UNC80: variants seen among roughly 807,000 people sequenced by gnomAD.
UNC80 encodes the protein protein unc-80 homolog.
Under a neutral mutation model 384.6 loss-of-function variants are expected in UNC80, and 164 were observed. The ratio of observed to expected loss-of-function variants is 0.43; its 90% confidence interval spans 0.38 to 0.49. UNC80 has a LOEUF of 0.49. UNC80 is among the 20% of genes least tolerant of loss of function. UNC80 has a pLI of 0.00. For missense variants in UNC80, 3,330 were observed against 4,143.0 expected, an observed-to-expected ratio of 0.80 and a Z score of 5.39; for synonymous variants, 1,486 against 1,527.8, an observed-to-expected ratio of 0.97 and a Z score of 0.64.
Position 209,904,761 on chromosome 2 carries a change from C to G in UNC80, c.4582-4C>G. The G allele has an allele frequency of 6.4e-7, 1 of 1,551,762 alleles. No individual in the cohort carries two copies. The highest frequency in any genetic ancestry group is 8.7e-7 in the Non-Finnish European group (1 of 1,146,942). ...GCTGAGTCTCAGGAATGTTTGTATT[C>G]CAGGTGATGATCTTGCTGTGCAATC... is the stretch of plus-strand genomic sequence containing the variant. On this transcript the variant is annotated splice_region_variant and splice_polypyrimidine_tract_variant and intron_variant, in intron 28 of 64. Transcript: ENST00000673920.
At chr2:209,808,509 C>G (rs1188524782) in intron 7 of UNC80, among the ~76,000 whole-genome samples, 3 of 147,016 alleles carry the variant, frequency 2.0e-5, no homozygotes, top group Non-Finnish European at 3.0e-5. Flanking sequence ...TTGTAGTGAG[C>G]CGATATCGCG....
intron 62 of UNC80, among the ~76,000 whole-genome samples, chr2:209,992,807 TA>T (rs949814916): frequency 6.6e-6 from 1 of 152,248 alleles, no homozygotes; most frequent in African/African-American, 2.4e-5. Flanking sequence ...CAAACTGAAG[TA>T]AAGATCATCT....
chr2:209,879,625 A>G (rs1161137108), intron 24 of UNC80, among the ~76,000 whole-genome samples: 1 of 152,196 alleles, frequency 6.6e-6, no homozygotes, highest in Non-Finnish European at 1.5e-5. Flanking sequence ...ATTATTTTTT[A>G]AAAAGTGTTG....
In UNC80 at chr2:209,814,977, T is replaced by TAA. The variant is rs139113274; in HGVS notation, c.1201-271_1201-270dup. Among the ~76,000 whole-genome samples, 33 of 149,386 alleles carry TAA rather than the reference T, an allele frequency of 2.2e-4. No individual in the cohort carries two copies. In the East Asian group the frequency reaches 3.7e-3, roughly 17 times the overall value. On this transcript the variant is annotated intron_variant, in intron 8 of 64. Coordinates refer to ENST00000673920, the MANE Select transcript of UNC80 (RefSeq NM_001371986.1). ...AACAAAACAAAACACTCTTTTTAAT[T>TAA]AAAAAAAAAAGAGAGATCCATCTTC...
rs1476620084 is a variant in UNC80 at position 209,866,519 on chromosome 2, CACACACACACACACAG to C, written c.3628-6237_3628-6222del. Among the ~76,000 whole-genome samples the C allele has an allele frequency of 2.8e-5, 4 of 141,256 alleles. No homozygotes were observed. In the East Asian group the frequency reaches 6.2e-4, roughly 22 times the overall value. 92.7% of individuals were successfully genotyped at this position (141,256 alleles called of 152,430 possible). On this transcript the variant is annotated intron_variant, in intron 22 of 64. Coordinates refer to ENST00000673920, the MANE Select transcript of UNC80 (RefSeq NM_001371986.1). ...ACACACACACACACACACACACACA[CACACACACACACACAG>C]AGAGAGAGAGAGAGAGAGAGAGAGA...
intron 58 of UNC80, among the ~76,000 whole-genome samples, chr2:209,977,994 CAT>C (rs1243090765): frequency 3.3e-5 from 5 of 152,162 alleles, no homozygotes; most frequent in Non-Finnish European, 7.4e-5. Context: ...GAAGTTTACA[CAT>C]TATCATTCAA....
intron 44 of UNC80, among the ~76,000 whole-genome samples, chr2:209,941,921 A>T (rs2091658962): frequency 6.6e-6 from 1 of 152,210 alleles, no homozygotes. Flanking sequence ...AACAAAAAAA[A>T]GTTTTAAAGA....
chr2:209,932,109 C>T (rs750026440), intron 38 of UNC80, among the ~76,000 whole-genome samples: 3 of 152,110 alleles, frequency 2.0e-5, no homozygotes, highest in African/African-American at 7.2e-5. Flanking sequence ...AACTCAAGCC[C>T]ATGGCTGCTG....
At chr2:209,879,972 C>T (rs575754241) in intron 24 of UNC80, among the ~76,000 whole-genome samples, 2 of 152,180 alleles carry the variant, frequency 1.3e-5, no homozygotes, top group South Asian at 2.1e-4. Context: ...AGCCTAACAC[C>T]CAGGAAACAT....
chr2:209,959,832 G>A (rs1448187700), intron 51 of UNC80, 125 bp downstream of exon 51: 15 of 860,830 alleles, frequency 1.7e-5, no homozygotes, highest in African/African-American at 5.1e-5. Flanking sequence ...ATTTGTTTCC[G>A]GTGACTTAGG....
rs2093014161 is a variant in UNC80 at position 209,976,380 on chromosome 2, C to G, written c.8772+77C>G. ...GCTCTCTACTGAGGCAGGAATATGGCAGGAGTGCTCATGGTACCTACTGTT... is the reference window on the plus strand; with the variant it reads ...GCTCTCTACTGAGGCAGGAATATGGGAGGAGTGCTCATGGTACCTACTGTT... On this transcript the variant is annotated intron_variant, in intron 57 of 64. Transcript: ENST00000673920. The surrounding 1 kb of genome is among the most constrained non-coding windows in gnomAD (Gnocchi z 4.3). The G allele has an allele frequency of 5.2e-6, 8 of 1,531,726 alleles. No individual in the cohort carries two copies. The highest frequency in any genetic ancestry group is 7.1e-6 in the Non-Finnish European group (8 of 1,131,334). 94.9% of individuals were successfully genotyped at this position (1,531,726 alleles called of 1,614,324 possible). A position where few individuals can be genotyped will look rare whatever the true frequency, so the allele number is the denominator to read the frequency against.
At chr2:209,814,438 G>T (rs775766531) in intron 8 of UNC80, among the ~76,000 whole-genome samples, 17 of 152,050 alleles carry the variant, frequency 1.1e-4, no homozygotes, top group Non-Finnish European at 2.2e-4. Context: ...AGTAGAGACA[G>T]GGTTTCACCG....
chr2:209,873,828 T>C (rs562618972), intron 23 of UNC80, among the ~76,000 whole-genome samples: 1 of 152,314 alleles, frequency 6.6e-6, no homozygotes, highest in African/African-American at 2.4e-5. Flanking sequence ...CCCATATCTT[T>C]TTTGCAAAGT....
intron 26 of UNC80, among the ~76,000 whole-genome samples, chr2:209,889,551 G>A (rs1300103917): frequency 1.3e-5 from 2 of 152,058 alleles, no homozygotes; most frequent in Non-Finnish European, 2.9e-5. Context: ...GTGCATGTTT[G>A]TTACATAGGT....
chr2:209,809,255 A>G (rs2079154409), intron 7 of UNC80: 1 of 727,790 alleles, frequency 1.4e-6, no homozygotes, highest in Admixed American at 1.9e-5. Flanking sequence ...TTCAACTGCC[A>G]ATACTGCAAT....
Position 209,789,598 on chromosome 2 carries a change from A to G in UNC80, c.791A>G (p.His264Arg), listed in dbSNP as rs1317706772. 6 of 1,611,118 alleles carry G rather than the reference A, an allele frequency of 3.7e-6. No individual in the cohort carries two copies. Among genetic ancestry groups the G allele is most frequent in the South Asian group, 2.2e-5 (2 of 91,004 alleles). ...TCESPNQDAR[H>R]LEGLQVVCET... ...GAATCACCAAATCAAGATGCAAGAC[A>G]CTTAGAGGTTAGTTTATTATAATCA... The change falls in exon 6 of 65, where the codon CAC becomes CGC. Residue 264 changes from histidine to arginine, a missense_variant. Physicochemically the swap from His to Arg is conservative, Grantham distance 29. Around this residue, in one of 8 missense-constraint regions of UNC80, gnomAD observed 937 missense variants for 1,026.8 expected, o/e 0.91. Transcript: ENST00000673920.
chr2:209,945,804 A>T (rs10193559), intron 46 of UNC80, 43 bp from the exon 47 acceptor site: 55,198 of 1,395,476 alleles, frequency 0.04, 4,343 homozygotes, highest in African/African-American at 0.3. Flanking sequence ...TATCTCCTGC[A>T]AAATCCACTC....
At chr2:209,792,160 G>A (rs931838570) in intron 6 of UNC80, among the ~76,000 whole-genome samples, 7 of 152,182 alleles carry the variant, frequency 4.6e-5, no homozygotes, top group East Asian at 1.9e-4. Context: ...AAAAATGAGC[G>A]GGACATAGTG....
At position 209,937,586 on chromosome 2, in the gene UNC80, G is replaced by A; in HGVS notation, c.6421G>A (p.Val2141Ile). 1.9e-6 allele frequency: 3 copies of A among 1,551,816 alleles called. No individual in the cohort carries two copies. Among genetic ancestry groups the A allele is most frequent in the Non-Finnish European group, 2.6e-6 (3 of 1,146,888 alleles). ...RRSVSPQLNL[V>I]HMHPEKGQEL... Reference sequence around the variant, plus strand: ...GTCAGTATCTCCCCAGCTGAATCTTGTACATATGCATCCAGAGAAGGGACA... The same window carrying A: ...GTCAGTATCTCCCCAGCTGAATCTTATACATATGCATCCAGAGAAGGGACA... The change falls in exon 42 of 65, where the codon GTA becomes ATA. Residue 2141 changes from valine to isoleucine, a missense_variant. By Grantham distance (29) the Val-to-Ile change is conservative. Around this residue, in one of 8 missense-constraint regions of UNC80, gnomAD observed 1,049 missense variants for 1,488.6 expected, o/e 0.70. Coordinates refer to ENST00000673920, the MANE Select transcript of UNC80 (RefSeq NM_001371986.1).
Sources: gnomAD v4.1 joint callset for allele counts (sites outside exome capture counted in the v4.1 genomes callset) on GRCh38, gnomAD v4.1.1 for gene constraint, gnomAD v4.1.1 regional missense constraint, Gnocchi (gnomAD v3.1) non-coding constraint, MANE v1.5 for transcripts, NCBI Gene and HGNC (gene_info 2026-07-23, HGNC 2026-07-21) for gene names.